The following GRID1 variants were observed in gnomAD, a reference collection of about 807,000 sequenced individuals.
GRID1 encodes the protein glutamate receptor ionotropic, delta-1.
A neutral mutation model predicts 98.0 loss-of-function variants in GRID1; 28 were observed. The observed-to-expected ratio is 0.29, with a 90% CI of 0.21 to 0.39. The LOEUF (loss-of-function observed/expected upper bound fraction) is 0.39. Among genes scored for constraint, GRID1 ranks in the 10% least tolerant of loss-of-function variants. The pLI, the probability that GRID1 is intolerant of heterozygous loss-of-function variation, is 1.00. For missense variants in GRID1, 1,111 were observed against 1,340.5 expected, an observed-to-expected ratio of 0.83 and a Z score of 2.67; for synonymous variants, 553 against 538.5, an observed-to-expected ratio of 1.03 and a Z score of -0.37.
chr10:85,860,773 T>C (rs1843157050), intron 6 of GRID1, among the ~76,000 whole-genome samples: 1 of 152,074 alleles, frequency 6.6e-6, no homozygotes, highest in South Asian at 2.1e-4. Context: ...TAAATGTTGA[T>C]GGAACGAGTG....
chr10:86,011,969 C>G (rs930287847), intron 4 of GRID1, among the ~76,000 whole-genome samples: 1 of 152,074 alleles, frequency 6.6e-6, no homozygotes, highest in African/African-American at 2.4e-5. Flanking sequence ...ACCAGCCTGG[C>G]CAACATGGTG....
intron 12 of GRID1, among the ~76,000 whole-genome samples, chr10:85,715,419 C>T (rs1049613786): frequency 1.3e-4 from 20 of 152,168 alleles, no homozygotes; most frequent in African/African-American, 4.6e-4. Context: ...GCAAAGTAAA[C>T]AATCTACAAA....
At chr10:86,191,574 G>C (rs1845803175) in intron 3 of GRID1, among the ~76,000 whole-genome samples, 1 of 151,830 alleles carries the variant, frequency 6.6e-6, no homozygotes, top group Admixed American at 6.6e-5. Context: ...GGAGACTCAG[G>C]CACAGGAGGA....
At chr10:85,812,156 G>A (rs1018091406) in intron 8 of GRID1, among the ~76,000 whole-genome samples, 8 of 152,098 alleles carry the variant, frequency 5.3e-5, no homozygotes, top group African/African-American at 1.7e-4. Flanking sequence ...AAAACTACAG[G>A]AATGATTCAC....
intron 2 of GRID1, among the ~76,000 whole-genome samples, chr10:86,226,352 A>C (rs548793155): frequency 0.36 from 3,866 of 10,794 alleles, 150 homozygotes; most frequent in Admixed American, 0.46. Context: ...CTCCCACCCC[A>C]GCATACCCTC....
At chr10:85,620,086 C>G (rs1307390201) in intron 13 of GRID1, 53 bp from the exon 14 acceptor site, 1 of 1,496,580 alleles carries the variant, frequency 6.7e-7, no homozygotes, top group Non-Finnish European at 9.3e-7. Flanking sequence ...GCTGTGTCAG[C>G]TTTGATTGGT....
At chr10:85,918,368 T>C (rs113398677) in intron 4 of GRID1, among the ~76,000 whole-genome samples, 2 of 151,906 alleles carry the variant, frequency 1.3e-5, no homozygotes, top group African/African-American at 4.8e-5. Flanking sequence ...CTGGTCTCTG[T>C]TCCTTCGTAA....
chr10:85,608,752 G>C (rs951231977), intron 15 of GRID1, among the ~76,000 whole-genome samples: 1 of 152,172 alleles, frequency 6.6e-6, no homozygotes, highest in African/African-American at 2.4e-5. Context: ...GCTGCTAGTG[G>C]TGGCAGCAAG....
intron 8 of GRID1, among the ~76,000 whole-genome samples, chr10:85,851,207 T>A (rs10159571): frequency 0.015 from 2,223 of 152,122 alleles, 52 homozygotes; most frequent in African/African-American, 0.05. Context: ...AAGAAGCATA[T>A]ACCACCCCCC....
intron 4 of GRID1, among the ~76,000 whole-genome samples, chr10:85,954,462 A>C (rs530525071): frequency 6.6e-6 from 1 of 152,220 alleles, no homozygotes; most frequent in Non-Finnish European, 1.5e-5. Context: ...CTAAGTCACA[A>C]ATATAGGAAA....
intron 8 of GRID1, among the ~76,000 whole-genome samples, chr10:85,757,053 A>C (rs1842106405): frequency 6.6e-6 from 1 of 152,132 alleles, no homozygotes; most frequent in African/African-American, 2.4e-5. Flanking sequence ...ACCTTCTAAA[A>C]TGTACCTGAG....
chr10:86,154,875 C>G (rs922214098), intron 3 of GRID1, among the ~76,000 whole-genome samples: 5 of 152,088 alleles, frequency 3.3e-5, no homozygotes, highest in African/African-American at 1.2e-4. Context: ...GTGCACCCAG[C>G]ACTGTACCAA....
intron 12 of GRID1, among the ~76,000 whole-genome samples, chr10:85,687,381 T>G (rs1281139109): frequency 6.6e-6 from 1 of 152,208 alleles, no homozygotes; most frequent in Non-Finnish European, 1.5e-5. Context: ...CTGAAAATAT[T>G]AATTACTTGG....
At chr10:86,153,972 G>A (rs1845207280) in intron 3 of GRID1, among the ~76,000 whole-genome samples, 1 of 152,086 alleles carries the variant, frequency 6.6e-6, no homozygotes, top group Admixed American at 6.5e-5. Flanking sequence ...ATCACATGCC[G>A]CACCCGCCCA....
intron 5 of GRID1, among the ~76,000 whole-genome samples, chr10:85,915,074 C>T (rs1275818377): frequency 1.3e-5 from 2 of 152,106 alleles, no homozygotes; most frequent in African/African-American, 2.4e-5. Context: ...CAGGCCACCA[C>T]GATCCCTGGT....
At chr10:85,805,934 T>C (rs1174225063) in intron 8 of GRID1, among the ~76,000 whole-genome samples, 1 of 146,470 alleles carries the variant, frequency 6.8e-6, no homozygotes, top group Non-Finnish European at 1.5e-5. Flanking sequence ...GTTTTTTTAA[T>C]AGGAAACAAA....
chr10:86,091,964 T>A (rs1007621938), intron 4 of GRID1, among the ~76,000 whole-genome samples: 2 of 152,186 alleles, frequency 1.3e-5, no homozygotes, highest in Non-Finnish European at 2.9e-5. Context: ...GAACACCCCA[T>A]GGGACAAAAG....
At chr10:85,698,178 T>C (rs1841414405) in intron 12 of GRID1, among the ~76,000 whole-genome samples, 1 of 152,182 alleles carries the variant, frequency 6.6e-6, no homozygotes, top group Non-Finnish European at 1.5e-5. Flanking sequence ...GGATGTCAGA[T>C]AAATTCAGAT....
chr10:86,018,899 G>T (rs535328125), intron 4 of GRID1, among the ~76,000 whole-genome samples: 1 of 152,198 alleles, frequency 6.6e-6, no homozygotes, highest in East Asian at 1.9e-4. Flanking sequence ...TCTGCACTTG[G>T]GTAACTTCAA....
Sources: allele counts gnomAD v4.1 joint callset (sites outside exome capture counted in the v4.1 genomes callset), GRCh38; gene constraint gnomAD v4.1.1; transcripts MANE v1.5; gene names NCBI Gene and HGNC (gene_info 2026-07-23, HGNC 2026-07-21).